Variants in UNC5D observed in about 807,000 individuals in gnomAD.
UNC5D encodes netrin receptor UNC5D.
UNC5D carries 39 observed loss-of-function variants against 105.4 expected under a neutral mutation model. That is an observed-to-expected ratio of 0.37 (90% confidence interval 0.29 to 0.48). UNC5D has a LOEUF of 0.48. Ranked by LOEUF, UNC5D falls within the 20% of genes least tolerant of loss-of-function variation. The pLI is 0.98. For synonymous variants in UNC5D, 452 were observed against 450.4 expected, an observed-to-expected ratio of 1.00 and a Z score of -0.04; for missense variants, 991 against 1,202.4, an observed-to-expected ratio of 0.82 and a Z score of 2.60.
intron 6 of UNC5D, among the ~76,000 whole-genome samples, chr8:35,685,326 T>C (rs1825934932): frequency 2.0e-5 from 3 of 152,230 alleles, no homozygotes; most frequent in African/African-American, 7.2e-5. Context: ...AAGTATGGCT[T>C]TCATAAATTC....
intron 1 of UNC5D, among the ~76,000 whole-genome samples, chr8:35,414,947 G>C (rs1337506634): frequency 6.6e-6 from 1 of 152,006 alleles, no homozygotes; most frequent in African/African-American, 2.4e-5. Flanking sequence ...ATTTTCCAAT[G>C]ACTGTCACAA....
intron 1 of UNC5D, among the ~76,000 whole-genome samples, chr8:35,249,595 TAATAATA>T: frequency 1.1e-5 from 1 of 87,880 alleles, no homozygotes; most frequent in South Asian, 4.1e-4. Context: ...ATAATAATAA[TAATAATA>T]AAATAAATAA....
At chr8:35,522,855 GT>G (rs1358199574) in intron 1 of UNC5D, among the ~76,000 whole-genome samples, 3 of 151,940 alleles carry the variant, frequency 2.0e-5, no homozygotes, top group Non-Finnish European at 4.4e-5. Context: ...TTCATCTAAA[GT>G]TTTTTTCTTA....
At chr8:35,277,011 T>C (rs548214443) in intron 1 of UNC5D, among the ~76,000 whole-genome samples, 165 of 152,300 alleles carry the variant, frequency 1.1e-3, no homozygotes, top group African/African-American at 3.7e-3. Context: ...TTAAAAGAAG[T>C]TAATCACTAA....
intron 1 of UNC5D, among the ~76,000 whole-genome samples, chr8:35,294,916 T>C (rs551794878): frequency 3.9e-5 from 6 of 152,258 alleles, no homozygotes; most frequent in African/African-American, 1.4e-4. Flanking sequence ...TTTATGGCAT[T>C]GTACTAAACA....
intron 1 of UNC5D, among the ~76,000 whole-genome samples, chr8:35,370,083 A>G (rs907914374): frequency 4.6e-5 from 7 of 152,142 alleles, no homozygotes; most frequent in South Asian, 2.1e-4. Flanking sequence ...AGACTTTGTA[A>G]GAAGCTAATA....
chr8:35,613,131 G>A (rs1471814441), intron 4 of UNC5D, among the ~76,000 whole-genome samples: 2 of 152,214 alleles, frequency 1.3e-5, no homozygotes, highest in African/African-American at 4.8e-5. Context: ...AAGCTGGAGT[G>A]CAGTGGCACG....
At chr8:35,311,320 G>GT (rs947684788) in intron 1 of UNC5D, among the ~76,000 whole-genome samples, 7 of 152,042 alleles carry the variant, frequency 4.6e-5, no homozygotes, top group African/African-American at 9.6e-5. Flanking sequence ...CATGGAAGAT[G>GT]TTTTTTTTCA....
At chr8:35,701,606 T>C (rs933690279) in intron 7 of UNC5D, among the ~76,000 whole-genome samples, 4 of 152,146 alleles carry the variant, frequency 2.6e-5, no homozygotes, top group Non-Finnish European at 5.9e-5. Flanking sequence ...AAAAGGTAGA[T>C]TGTTCTCTTT....
chr8:35,695,003 G>T (rs1273391106), intron 7 of UNC5D, among the ~76,000 whole-genome samples: 1 of 152,120 alleles, frequency 6.6e-6, no homozygotes, highest in African/African-American at 2.4e-5. Context: ...AATATATCTG[G>T]TTAAGATAGT....
chr8:35,479,021 G>A (rs1057108082), intron 1 of UNC5D, among the ~76,000 whole-genome samples: 4 of 152,172 alleles, frequency 2.6e-5, no homozygotes, highest in Non-Finnish European at 4.4e-5. Flanking sequence ...TGTCTTTGGA[G>A]TTCAGAAATA....
At chr8:35,661,675 A>G (rs900001402) in intron 4 of UNC5D, among the ~76,000 whole-genome samples, 2 of 152,184 alleles carry the variant, frequency 1.3e-5, no homozygotes, top group African/African-American at 4.8e-5. Flanking sequence ...CATCATGCAC[A>G]GCACACAGGA....
intron 1 of UNC5D, among the ~76,000 whole-genome samples, chr8:35,546,576 T>C (rs1815698815): frequency 6.6e-6 from 1 of 152,198 alleles, no homozygotes; most frequent in Admixed American, 6.5e-5. Flanking sequence ...TTTTATGAAT[T>C]GAACAATGAA....
At chr8:35,266,368 G>A (rs1804870851) in intron 1 of UNC5D, among the ~76,000 whole-genome samples, 1 of 152,194 alleles carries the variant, frequency 6.6e-6, no homozygotes. Context: ...AGTAAATACT[G>A]TTGAACCATA....
chr8:35,305,257 C>T (rs890263022), intron 1 of UNC5D, among the ~76,000 whole-genome samples: 1 of 151,970 alleles, frequency 6.6e-6, no homozygotes, highest in Non-Finnish European at 1.5e-5. Context: ...GAAGAAATAA[C>T]CACGGTCAGA....
intron 15 of UNC5D, among the ~76,000 whole-genome samples, chr8:35,773,489 T>C (rs768724124): frequency 6.6e-6 from 1 of 152,126 alleles, no homozygotes; most frequent in Non-Finnish European, 1.5e-5. Context: ...AAAATAAAAT[T>C]AAAGGTAATC....
chr8:35,271,759 G>GTATACATT (rs1563268612), intron 1 of UNC5D, among the ~76,000 whole-genome samples: 31 of 113,414 alleles, frequency 2.7e-4, no homozygotes, highest in African/African-American at 5.5e-4. Flanking sequence ...ATGTATACAT[G>GTATACATT]TATACATATA....
intron 3 of UNC5D, among the ~76,000 whole-genome samples, chr8:35,585,915 CA>C (rs1191225001): frequency 6.6e-6 from 1 of 152,012 alleles, no homozygotes; most frequent in Non-Finnish European, 1.5e-5. Context: ...AGATCTAACA[CA>C]AAGACATGAA....
intron 1 of UNC5D, among the ~76,000 whole-genome samples, chr8:35,378,258 C>T (rs981168059): frequency 6.6e-6 from 1 of 152,132 alleles, no homozygotes; most frequent in Admixed American, 6.6e-5. Context: ...TAAATGTTAT[C>T]TTCTGCTAAA....
Sources: allele counts gnomAD v4.1 joint callset (sites outside exome capture counted in the v4.1 genomes callset), GRCh38; gene constraint gnomAD v4.1.1; transcripts MANE v1.5; gene names NCBI Gene and HGNC (gene_info 2026-07-23, HGNC 2026-07-21).